Variants in DOCK1 observed in about 807,000 individuals in gnomAD.
DOCK1 encodes the protein dedicator of cytokinesis protein 1.
DOCK1 carries 138 observed loss-of-function variants against 262.7 expected under a neutral mutation model. The observed-to-expected ratio is 0.53, with a 90% CI of 0.46 to 0.61. The LOEUF is 0.61. DOCK1 is among the 20% of genes least tolerant of loss of function. The pLI is 0.00. For missense variants in DOCK1, 1,908 were observed against 2,370.7 expected (o/e 0.80, Z 4.05); for synonymous variants, 866 against 867.4 (o/e 1.00, Z 0.03).
chr10:127,362,973 A>G (rs1376391886), intron 33 of DOCK1, among the ~76,000 whole-genome samples: 37 of 134,156 alleles, frequency 2.8e-4, no homozygotes, highest in Admixed American at 4.3e-4. Flanking sequence ...CCACATACAC[A>G]TACACATACA....
intron 18 of DOCK1, among the ~76,000 whole-genome samples, chr10:127,033,187 C>A (rs918016997): frequency 2.0e-5 from 3 of 152,190 alleles, no homozygotes; most frequent in Non-Finnish European, 4.4e-5. Flanking sequence ...TACTAGTTAT[C>A]TTTATTTTTA....
chr10:127,272,802 G>A (rs1159051139), intron 29 of DOCK1, among the ~76,000 whole-genome samples: 2 of 152,196 alleles, frequency 1.3e-5, no homozygotes, highest in African/African-American at 4.8e-5. Flanking sequence ...AAGGTGAAGG[G>A]CATGTCTCAC....
intron 29 of DOCK1, among the ~76,000 whole-genome samples, chr10:127,271,367 T>A (rs2060562208): frequency 6.6e-6 from 1 of 152,208 alleles, no homozygotes; most frequent in Non-Finnish European, 1.5e-5. Context: ...AACACGAAAT[T>A]GGAAATAAAG....
chr10:127,023,362 G>A (rs1160279287), intron 14 of DOCK1, 38 bp downstream of exon 14: 2 of 1,610,450 alleles, frequency 1.2e-6, no homozygotes, highest in African/African-American at 1.3e-5. Flanking sequence ...TAGTGTTTCA[G>A]TTTTACTTGC....
intron 23 of DOCK1, among the ~76,000 whole-genome samples, chr10:127,072,461 TTG>T (rs1208516660): frequency 6.6e-6 from 1 of 152,198 alleles, no homozygotes; most frequent in African/African-American, 2.4e-5. Context: ...AAAATTATCA[TTG>T]TGGATTGTAG....
chr10:127,191,728 GC>G (rs2056770158), intron 27 of DOCK1, among the ~76,000 whole-genome samples: 1 of 152,284 alleles, frequency 6.6e-6, no homozygotes, highest in East Asian at 1.9e-4. Context: ...ATAGGATATA[GC>G]CCCATGCTGC....
At chr10:127,303,463 C>T (rs1353147616) in intron 29 of DOCK1, among the ~76,000 whole-genome samples, 2 of 151,818 alleles carry the variant, frequency 1.3e-5, no homozygotes, top group African/African-American at 2.4e-5. Context: ...TGTCAGTGCT[C>T]GATTTAGTTT....
intron 7 of DOCK1, chr10:126,997,793 AC>A (rs886391998): frequency 1.3e-5 from 4 of 317,966 alleles, no homozygotes; most frequent in Admixed American, 1.2e-4. Context: ...TAATGAGGGA[AC>A]AAAAAATTAA....
At chr10:126,958,136 A>G (rs2036896254) in intron 1 of DOCK1, among the ~76,000 whole-genome samples, 1 of 152,174 alleles carries the variant, frequency 6.6e-6, no homozygotes, top group South Asian at 2.1e-4. Flanking sequence ...GGCGTATAGA[A>G]TTATATAAAA....
intron 29 of DOCK1, among the ~76,000 whole-genome samples, chr10:127,319,130 T>TAA (rs991993226): frequency 6.6e-6 from 1 of 152,180 alleles, no homozygotes; most frequent in Non-Finnish European, 1.5e-5. Context: ...TCAGAAAGGA[T>TAA]AAAACCAAGA....
At chr10:127,349,018 C>T (rs2063764409) in intron 31 of DOCK1, among the ~76,000 whole-genome samples, 1 of 152,114 alleles carries the variant, frequency 6.6e-6, no homozygotes. Context: ...TGACCTGTGC[C>T]AACTTCAAGT....
At chr10:126,913,002 T>TTC (rs398046303) in intron 1 of DOCK1, among the ~76,000 whole-genome samples, 2 of 151,748 alleles carry the variant, frequency 1.3e-5, no homozygotes, top group African/African-American at 4.8e-5. Context: ...TTTTTTTTTT[T>TTC]CCTGCAAGCC....
intron 25 of DOCK1, among the ~76,000 whole-genome samples, chr10:127,121,598 C>T (rs989117003): frequency 6.6e-6 from 1 of 152,022 alleles, no homozygotes; most frequent in Non-Finnish European, 1.5e-5. Flanking sequence ...TGTACTCCCA[C>T]CACTTCTTGA....
chr10:127,158,074 A>G (rs1035849171), intron 27 of DOCK1, among the ~76,000 whole-genome samples: 1 of 152,204 alleles, frequency 6.6e-6, no homozygotes, highest in Non-Finnish European at 1.5e-5. Flanking sequence ...GGCTTCACTG[A>G]TAATTTTATG....
intron 50 of DOCK1, among the ~76,000 whole-genome samples, chr10:127,447,131 G>A (rs1463969170): frequency 6.6e-6 from 1 of 152,146 alleles, no homozygotes; most frequent in Non-Finnish European, 1.5e-5. Flanking sequence ...TTCTACAGTG[G>A]CTCGATGCCT....
Position 127,426,092 on chromosome 10 carries a change from C to T in DOCK1, c.4914+81C>T, listed in dbSNP as rs1002520807. The T allele has an allele frequency of 1.9e-6, 3 of 1,593,064 alleles. No individual in the cohort carries two copies. In the East Asian group the frequency reaches 6.7e-5, roughly 36 times the overall value. On this transcript the variant is annotated intron_variant, in intron 47 of 51. Transcript: ENST00000623213. The stretch of plus-strand genomic sequence containing the variant: ...GTTGAACAGGGACAAGCTTCCAGAG[C>T]AGAGGAACTCACATGTACACATGGT...
At chr10:127,270,633 G>A (rs1395256582) in intron 29 of DOCK1, among the ~76,000 whole-genome samples, 4 of 151,150 alleles carry the variant, frequency 2.6e-5, no homozygotes, top group African/African-American at 7.3e-5. Flanking sequence ...TCATGGATGT[G>A]CAGTGGTGTG....
intron 23 of DOCK1, among the ~76,000 whole-genome samples, chr10:127,085,969 T>C (rs980747941): frequency 3.9e-5 from 6 of 152,194 alleles, no homozygotes; most frequent in African/African-American, 1.4e-4. Flanking sequence ...ACTGTGCCTT[T>C]TTAAAGCCTT....
At chr10:126,923,343 G>A (rs1451778073) in intron 1 of DOCK1, among the ~76,000 whole-genome samples, 1 of 152,160 alleles carries the variant, frequency 6.6e-6, no homozygotes, top group South Asian at 2.1e-4. Flanking sequence ...CTTAGGCATG[G>A]CTGGGTGTGG....
Sources: allele counts gnomAD v4.1 joint callset (sites outside exome capture counted in the v4.1 genomes callset), GRCh38; gene constraint gnomAD v4.1.1; transcripts MANE v1.5; gene names NCBI Gene and HGNC (gene_info 2026-07-23, HGNC 2026-07-21).